The following PPP6R2 variants were observed in gnomAD, a reference collection of about 807,000 sequenced individuals.
The protein encoded by PPP6R2 is serine/threonine-protein phosphatase 6 regulatory subunit 2.
Under a neutral mutation model 100.2 loss-of-function variants are expected in PPP6R2, and 62 were observed. That is an observed-to-expected ratio of 0.62 (90% CI 0.50 to 0.76). The LOEUF (loss-of-function observed/expected upper bound fraction) is 0.76. Among genes scored for constraint, PPP6R2 ranks in the 30% least tolerant of loss-of-function variants. PPP6R2 has a pLI of 0.00. For missense variants in PPP6R2, 1,142 were observed against 1,276.3 expected (o/e 0.89, Z 1.60); for synonymous variants, 525 against 514.7 (o/e 1.02, Z -0.27).
chr22:50,370,177 T>A (rs947945124), intron 1 of PPP6R2, among the ~76,000 whole-genome samples: 15 of 152,200 alleles, frequency 9.9e-5, no homozygotes, highest in Non-Finnish European at 2.2e-4. Flanking sequence ...CTGATTTTAT[T>A]TTCTGAATCA....
intron 1 of PPP6R2, among the ~76,000 whole-genome samples, chr22:50,357,945 T>A (rs768946330): frequency 7.2e-5 from 11 of 152,006 alleles, no homozygotes; most frequent in East Asian, 1.9e-4. Context: ...GCTAATTTTT[T>A]AAATTTTTTA....
upstream of PPP6R2, among the ~76,000 whole-genome samples, chr22:50,338,469 TTA>T (rs1491583228): frequency 2.6e-5 from 3 of 113,242 alleles, no homozygotes; most frequent in African/African-American, 9.2e-5. Flanking sequence ...GTAGTGTGTG[TTA>T]TGTGTGTGTT....
chr22:50,425,061 C>T (rs754162843), intron 10 of PPP6R2, among the ~76,000 whole-genome samples: 1 of 152,160 alleles, frequency 6.6e-6, no homozygotes, highest in Non-Finnish European at 1.5e-5. Context: ...TCACTCAGTG[C>T]ATTCACAATC....
intron 4 of PPP6R2, among the ~76,000 whole-genome samples, chr22:50,413,560 G>A (rs920994945): frequency 6.6e-6 from 1 of 152,138 alleles, no homozygotes; most frequent in African/African-American, 2.4e-5. Context: ...CTTTGGCGAT[G>A]CCCCTTGTTT....
At position 50,438,487 on chromosome 22, in the gene PPP6R2, C is replaced by G; in HGVS notation, c.1965-112C>G. 3 of 1,437,794 alleles carry G rather than the reference C, an allele frequency of 2.1e-6. No individual in the cohort carries two copies. In the South Asian group the frequency reaches 4.0e-5, roughly 19 times the overall value. The allele number at this position is 1,437,794 out of a possible 1,614,324, so 89.1% of individuals were successfully genotyped here. A position where few individuals can be genotyped will look rare whatever the true frequency, so the allele number is the denominator to read the frequency against. On this transcript the variant is annotated intron_variant, in intron 18 of 23. Coordinates refer to ENST00000612753, the MANE Select transcript of PPP6R2 (RefSeq NM_001242898.2). ...GAGGCCTGGAGCGTCTCGTGCTCCT[C>G]TCTCGAGACGATCTGTGCTCACCCT...
At chr22:50,384,039 A>AAC (rs775048194) in intron 2 of PPP6R2, among the ~76,000 whole-genome samples, 28 of 127,826 alleles carry the variant, frequency 2.2e-4, no homozygotes, top group African/African-American at 4.9e-4. Flanking sequence ...CCATCTCAAA[A>AAC]AAAAAAAAAA....
At chr22:50,378,525 G>A (rs1449262382) in intron 2 of PPP6R2, among the ~76,000 whole-genome samples, 1 of 152,018 alleles carries the variant, frequency 6.6e-6, no homozygotes, top group Non-Finnish European at 1.5e-5. Context: ...GGTGGAGGTT[G>A]TGGTGAGCTG....
intron 1 of PPP6R2, among the ~76,000 whole-genome samples, chr22:50,355,605 C>G (rs1255449075): frequency 6.6e-6 from 1 of 150,474 alleles, no homozygotes; most frequent in African/African-American, 2.5e-5. Context: ...ACTGCAAGCT[C>G]CGCCTCCTGG....
rs377736304 is a variant in PPP6R2 at position 50,387,097 on chromosome 22, A to G, written c.-16-6796A>G. ...ATTTTTTGAGACAGGGTCTTGCTCT[A>G]TCACCGAGGCTGGAGTGAAGGGGTA... is the stretch of plus-strand genomic sequence containing the variant. On this transcript the variant is annotated intron_variant, in intron 2 of 23. Transcript: ENST00000612753. 3.9e-5 allele frequency among the ~76,000 whole-genome samples: 6 copies of G among 152,136 alleles called. No individual in the cohort carries two copies. In the East Asian group the frequency reaches 9.6e-4, roughly 24 times the overall value.
chr22:50,379,170 G>A (rs1156969384), intron 2 of PPP6R2, among the ~76,000 whole-genome samples: 1 of 152,098 alleles, frequency 6.6e-6, no homozygotes, highest in African/African-American at 2.4e-5. Context: ...AGCAGAAACA[G>A]GCTAAGACAC....
intron 7 of PPP6R2, 41 bp from the exon 8 acceptor site, chr22:50,419,308 G>A (rs2060988080): frequency 1.3e-6 from 2 of 1,546,636 alleles, no homozygotes; most frequent in Non-Finnish European, 1.8e-6. Flanking sequence ...TTGTGTGTGT[G>A]TCTGCTCTGC....
intron 3 of PPP6R2, among the ~76,000 whole-genome samples, chr22:50,400,462 G>A (rs749407606): frequency 2.0e-5 from 3 of 152,180 alleles, no homozygotes; most frequent in Non-Finnish European, 4.4e-5. Flanking sequence ...GGGAGCCTCC[G>A]TGTTGTCCTC....
chr22:50,415,859 G>T (rs1022979713), intron 5 of PPP6R2, among the ~76,000 whole-genome samples: 1 of 152,168 alleles, frequency 6.6e-6, no homozygotes, highest in South Asian at 2.1e-4. Flanking sequence ...GCTTACATAC[G>T]CACCATTAGG....
intron 14 of PPP6R2, 146 bp from the exon 15 acceptor site, chr22:50,436,842 G>T: frequency 2.8e-6 from 2 of 705,976 alleles, no homozygotes; most frequent in South Asian, 1.7e-5. Flanking sequence ...TACACAGCAC[G>T]GCCTCCTGGG....
chr22:50,438,766 G>A lies in PPP6R2; in HGVS notation c.2128+4G>A. 1 of 1,589,060 alleles carries A rather than the reference G, an allele frequency of 6.3e-7. No homozygotes were observed. ...CCTGTGGAGGGTGACTCAGAAGGTG[G>A]TGCTGGGCGCCAGGGGCTGGGAGTG... is the stretch of plus-strand genomic sequence containing the variant. On this transcript the variant is annotated splice_donor_region_variant and intron_variant, in intron 19 of 23. Coordinates refer to ENST00000612753, the MANE Select transcript of PPP6R2 (RefSeq NM_001242898.2).
At chr22:50,343,007 C>G (rs1379944108), upstream of PPP6R2, among the ~76,000 whole-genome samples, 1 of 152,196 alleles carries the variant, frequency 6.6e-6, no homozygotes, top group Non-Finnish European at 1.5e-5. Context: ...GTGTGTCTCT[C>G]AAATGCTGCG....
At chr22:50,397,323 T>C (rs538952177) in intron 3 of PPP6R2, among the ~76,000 whole-genome samples, 6 of 152,298 alleles carry the variant, frequency 3.9e-5, no homozygotes, top group African/African-American at 1.4e-4. Flanking sequence ...GATATCCATC[T>C]AAATTACCCT....
chr22:50,358,990 GCCCCCC>G (rs56089347), intron 1 of PPP6R2, among the ~76,000 whole-genome samples: 3,824 of 42,736 alleles, frequency 0.089, 489 homozygotes, highest in African/African-American at 0.12. Context: ...TAAAAGAACC[GCCCCCC>G]CCCCCCCCCC....
intron 3 of PPP6R2, among the ~76,000 whole-genome samples, chr22:50,402,333 T>C (rs992155025): frequency 2.6e-5 from 4 of 151,340 alleles, no homozygotes; most frequent in Non-Finnish European, 5.9e-5. Context: ...AGTTTCTTTT[T>C]TTTTTTTTTT....
Sources: allele counts gnomAD v4.1 joint callset (sites outside exome capture counted in the v4.1 genomes callset), GRCh38; gene constraint gnomAD v4.1.1; transcripts MANE v1.5; gene names NCBI Gene and HGNC (gene_info 2026-07-23, HGNC 2026-07-21).